The following NAE1 variants were observed in gnomAD, a reference collection of about 807,000 sequenced individuals.
NAE1 encodes the protein NEDD8-activating enzyme E1 regulatory subunit.
NAE1 carries 59 observed loss-of-function variants against 88.0 expected under a neutral mutation model. The ratio of observed to expected loss-of-function variants is 0.67; its 90% confidence interval spans 0.54 to 0.83. NAE1 has a LOEUF of 0.83. NAE1 is among the 40% of genes least tolerant of loss of function. NAE1 has a pLI of 0.00. For missense variants in NAE1, 554 were observed against 632.8 expected (o/e 0.88, Z 1.34); for synonymous variants, 186 against 208.9 (o/e 0.89, Z 0.95).
rs1960058743 is a variant in NAE1 at position 66,816,769 on chromosome 16, A to G, written c.749-97T>C. On this transcript the variant is annotated intron_variant, in intron 10 of 19. Coordinates refer to ENST00000290810, the MANE Select transcript of NAE1 (RefSeq NM_003905.4). ...ACCTTGTCAGATCCTGCAGAATATT[A>G]AATCTTAAGAAGAAATACGGCTTAT... 1.0e-5 allele frequency: 13 copies of G among 1,277,218 alleles called. No individual in the cohort carries two copies. The South Asian group carries it at 1.8e-4, about 18-fold the overall frequency. The allele number at this position is 1,277,218 out of a possible 1,614,324, so 79.1% of individuals were successfully genotyped here. A position where few individuals can be genotyped will look rare whatever the true frequency, so the allele number is the denominator to read the frequency against.
chr16:66,821,204 A>G (rs1285629923), intron 7 of NAE1, among the ~76,000 whole-genome samples: 17 of 152,242 alleles, frequency 1.1e-4, no homozygotes, highest in Admixed American at 1.0e-3. Flanking sequence ...GTACTTGCAT[A>G]GTTGCTGGAT....
Position 66,817,493 on chromosome 16 carries a change from A to C in NAE1, c.622-6T>G, listed in dbSNP as rs1291790835. ...CATGGAGTATGACTGTGGTCCTAAAAATGAGAGACAAATAAAAGAAAATAT... is the reference window on the plus strand; with the variant it reads ...CATGGAGTATGACTGTGGTCCTAAACATGAGAGACAAATAAAAGAAAATAT... On this transcript the variant is annotated splice_polypyrimidine_tract_variant and splice_region_variant and intron_variant, in intron 8 of 19. Coordinates refer to ENST00000290810, the MANE Select transcript of NAE1 (RefSeq NM_003905.4). The C allele has an allele frequency of 1.3e-6, 2 of 1,540,900 alleles. No individual in the cohort carries two copies. Among genetic ancestry groups the C allele is most frequent in the African/African-American group, 2.8e-5 (2 of 71,290 alleles).
At chr16:66,818,216 T>C (rs1378232978) in intron 8 of NAE1, among the ~76,000 whole-genome samples, 1 of 152,204 alleles carries the variant, frequency 6.6e-6, no homozygotes, top group African/African-American at 2.4e-5. Flanking sequence ...TTATTTATTC[T>C]TTCTAATTTT....
intron 19 of NAE1, chr16:66,805,575 T>G (rs1393699807): frequency 2.5e-6 from 1 of 406,378 alleles, no homozygotes. Context: ...GAGTTTGAGG[T>G]TGCAGCGAGC....
At chr16:66,807,297 A>G (rs1959602472) in intron 17 of NAE1, among the ~76,000 whole-genome samples, 1 of 152,138 alleles carries the variant, frequency 6.6e-6, no homozygotes, top group Admixed American at 6.6e-5. Context: ...AAAGCAATAC[A>G]TATTTGGTGT....
chr16:66,828,271 A>G lies in NAE1; in HGVS notation c.54-1491T>C. The G allele has an allele frequency of 9.2e-6, 4 of 433,322 alleles. No individual in the cohort carries two copies. The South Asian group carries it at 1.1e-4, about 12-fold the overall frequency. The allele number at this position is 433,322 out of a possible 1,614,324, so 26.8% of individuals were successfully genotyped here. A position where few individuals can be genotyped will look rare whatever the true frequency, so the allele number is the denominator to read the frequency against. ...TTTGGGAGGCGGAGGCAGGCAGATC[A>G]CCTGAGGTCAGGAGTTTGAGACCAG... On this transcript the variant is annotated intron_variant, in intron 1 of 19. Coordinates refer to ENST00000290810, the MANE Select transcript of NAE1 (RefSeq NM_003905.4).
Position 66,826,526 on chromosome 16 carries a change from T to C in NAE1, c.215A>G (p.Asn72Ser), listed in dbSNP as rs1960470424. 1.9e-6 allele frequency: 3 copies of C among 1,613,918 alleles called. No homozygotes were observed. The highest frequency in any genetic ancestry group is 2.5e-6 in the Non-Finnish European group (3 of 1,179,996). Residue 72 changes from asparagine (N) to serine (S), a missense_variant, in exon 3 of 20, where the codon AAC becomes AGC. Coordinates refer to ENST00000290810, the MANE Select transcript of NAE1 (RefSeq NM_003905.4). Reference protein sequence around the residue: ...GNQVSGEDAGNNFFLQRSSIG... With the variant: ...GNQVSGEDAGSNFFLQRSSIG... ...ATTTGAAGAGAATAGAACATACTTG[T>C]TTCCAGCATCTTCTCCGCTGACCTG...
At chr16:66,817,919 A>T (rs1038096790) in intron 8 of NAE1, among the ~76,000 whole-genome samples, 7 of 152,156 alleles carry the variant, frequency 4.6e-5, no homozygotes, top group Non-Finnish European at 1.5e-5. Context: ...CATAAAGAGA[A>T]CTTCTTGGAA....
chr16:66,820,582 A>C (rs1567494230), intron 7 of NAE1, among the ~76,000 whole-genome samples: 2 of 151,916 alleles, frequency 1.3e-5, no homozygotes, highest in Admixed American at 6.6e-5. Context: ...ACATGGTGAA[A>C]TCCTGTCTCT....
intron 19 of NAE1, among the ~76,000 whole-genome samples, chr16:66,804,552 CT>C (rs1399867376): frequency 5.9e-5 from 9 of 152,180 alleles, no homozygotes; most frequent in Non-Finnish European, 1.0e-4. Context: ...CTAAATCTGC[CT>C]TTAAAACATT....
intron 15 of NAE1, among the ~76,000 whole-genome samples, chr16:66,810,027 T>C (rs947891391): frequency 6.6e-6 from 1 of 152,194 alleles, no homozygotes; most frequent in Non-Finnish European, 1.5e-5. Flanking sequence ...TCAATGTACA[T>C]GTGACTCAAG....
chr16:66,830,207 GA>G (rs1184794450), intron 1 of NAE1, among the ~76,000 whole-genome samples: 1 of 152,046 alleles, frequency 6.6e-6, no homozygotes, highest in African/African-American at 2.4e-5. Context: ...TTTTAAAAAG[GA>G]AAATACTCAT....
intron 19 of NAE1, 62 bp downstream of exon 19, chr16:66,805,715 T>G: frequency 7.8e-7 from 1 of 1,285,188 alleles, no homozygotes; most frequent in Non-Finnish European, 1.0e-6. Flanking sequence ...GACAAAACTT[T>G]GTATTAAAAT....
chr16:66,813,915 A>G (rs1394493346), intron 11 of NAE1, 69 bp from the exon 12 acceptor site: 27 of 1,363,396 alleles, frequency 2.0e-5, no homozygotes, highest in Non-Finnish European at 2.4e-5. Context: ...TTTCAGTGCT[A>G]TTTCTTCAGA....
intron 1 of NAE1, among the ~76,000 whole-genome samples, chr16:66,828,957 C>T (rs564790041): frequency 6.6e-6 from 1 of 150,988 alleles, no homozygotes; most frequent in African/African-American, 2.4e-5. Flanking sequence ...CCACTGCACT[C>T]TAGCCTGGGT....
chr16:66,828,446 G>A (rs942686447), intron 1 of NAE1, among the ~76,000 whole-genome samples: 6 of 150,104 alleles, frequency 4.0e-5, no homozygotes, highest in South Asian at 2.1e-4. Context: ...AGCCAAGACC[G>A]CGCCACTGCA....
intron 6 of NAE1, among the ~76,000 whole-genome samples, chr16:66,822,670 A>T (rs964893604): frequency 0.032 from 4,520 of 142,424 alleles, 82 homozygotes; most frequent in South Asian, 0.071. Flanking sequence ...TTATTTATTT[A>T]TTTATTTTTT....
chr16:66,826,160 G>C (rs1960456744), intron 3 of NAE1: 1 of 205,570 alleles, frequency 4.9e-6, no homozygotes, highest in East Asian at 1.2e-4. Context: ...ACTGTAAAGA[G>C]AGATACCCCT....
At chr16:66,828,808 C>T (rs754150847) in intron 1 of NAE1, among the ~76,000 whole-genome samples, 3 of 151,602 alleles carry the variant, frequency 2.0e-5, no homozygotes, top group Non-Finnish European at 4.4e-5. Flanking sequence ...CCTGGGCAAA[C>T]CCCCATCTCT....
Sources: gnomAD v4.1 joint callset for allele counts (sites outside exome capture counted in the v4.1 genomes callset) on GRCh38, gnomAD v4.1.1 for gene constraint, MANE v1.5 for transcripts, NCBI Gene and HGNC (gene_info 2026-07-23, HGNC 2026-07-21) for gene names.